Variants in LINGO2 observed in about 807,000 individuals in gnomAD.
The protein encoded by LINGO2 is leucine-rich repeat and immunoglobulin-like domain-containing nogo receptor-interacting protein 2.
In LINGO2, 14 loss-of-function variants were observed where a neutral mutation model predicts 30.6. That is an observed-to-expected ratio of 0.46 (90% CI 0.30 to 0.72). The LOEUF is 0.72. Among genes scored for constraint, LINGO2 ranks in the 30% least tolerant of loss-of-function variants. The probability of loss-of-function intolerance (pLI) is 0.07; values close to 1 mark genes in which losing one functional copy is unlikely to be tolerated. For missense variants in LINGO2, 729 were observed against 751.7 expected, an observed-to-expected ratio of 0.97 and a Z score of 0.35; for synonymous variants, 317 against 288.5, an observed-to-expected ratio of 1.10 and a Z score of -1.00.
intron 5 of LINGO2, among the ~76,000 whole-genome samples, chr9:28,008,298 A>G (rs1822369352): frequency 6.6e-6 from 1 of 152,162 alleles, no homozygotes; most frequent in Non-Finnish European, 1.5e-5. Flanking sequence ...TTGTGTGTTA[A>G]AAATATACAT....
chr9:28,369,400 C>T (rs540608783), intron 3 of LINGO2, among the ~76,000 whole-genome samples: 1 of 152,172 alleles, frequency 6.6e-6, no homozygotes, highest in Non-Finnish European at 1.5e-5. Flanking sequence ...AAGCTCACAC[C>T]ATGTTTAATT....
intron 1 of LINGO2, among the ~76,000 whole-genome samples, chr9:28,575,726 T>A (rs1368439155): frequency 6.6e-6 from 1 of 152,094 alleles, no homozygotes; most frequent in Non-Finnish European, 1.5e-5. Flanking sequence ...ACAGAAATCT[T>A]AAGAATACAA....
At chr9:28,789,981 C>T in the LINGO2 span, among the ~76,000 whole-genome samples, 3 of 152,074 alleles carry the variant, frequency 2.0e-5, no homozygotes, top group African/African-American at 7.2e-5. Context: ...ACACAGTAGT[C>T]CCCCCTTGCC....
intron 4 of LINGO2, among the ~76,000 whole-genome samples, chr9:28,231,350 T>G (rs1336136489): frequency 3.3e-5 from 5 of 151,990 alleles, no homozygotes; most frequent in Admixed American, 3.3e-4. Flanking sequence ...TCCAAGTATA[T>G]TTAAACTTTT....
chr9:28,435,962 G>C (rs1211363723), intron 2 of LINGO2, among the ~76,000 whole-genome samples: 1 of 152,112 alleles, frequency 6.6e-6, no homozygotes. Flanking sequence ...TAACATTCTT[G>C]CCACTTATTT....
At chr9:28,755,069 A>G in the LINGO2 span, among the ~76,000 whole-genome samples, 4 of 152,238 alleles carry the variant, frequency 2.6e-5, no homozygotes, top group Non-Finnish European at 5.9e-5. Context: ...AAATGGCAAT[A>G]TGCCATTGGA....
the LINGO2 span, among the ~76,000 whole-genome samples, chr9:28,697,341 A>C: frequency 1.3e-5 from 2 of 151,902 alleles, no homozygotes; most frequent in African/African-American, 4.8e-5. Context: ...GATTTGGAAC[A>C]GGTTAGGTAA....
At chr9:28,574,209 C>T (rs546792632) in intron 1 of LINGO2, among the ~76,000 whole-genome samples, 16 of 152,300 alleles carry the variant, frequency 1.1e-4, no homozygotes, top group Middle Eastern at 3.4e-3. Flanking sequence ...TAAGACTCAA[C>T]TGTGGATGCA....
At chr9:28,553,206 A>C (rs1011824681) in intron 1 of LINGO2, among the ~76,000 whole-genome samples, 6 of 152,106 alleles carry the variant, frequency 3.9e-5, no homozygotes, top group Non-Finnish European at 7.3e-5. Context: ...CTCTGAGCTA[A>C]GGGAGGACAT....
chr9:28,710,582 T>C, the LINGO2 span, among the ~76,000 whole-genome samples: 22 of 151,376 alleles, frequency 1.5e-4, no homozygotes, highest in South Asian at 1.7e-3. Context: ...CAAATACTTG[T>C]TCAGGGGTTA....
At chr9:29,207,146 A>T in the LINGO2 span, among the ~76,000 whole-genome samples, 1 of 151,706 alleles carries the variant, frequency 6.6e-6, no homozygotes, top group African/African-American at 2.4e-5. Flanking sequence ...ATATATATAT[A>T]AAGTATATAT....
intron 4 of LINGO2, among the ~76,000 whole-genome samples, chr9:28,221,301 A>G: frequency 1.9e-4 from 1 of 5,188 alleles, no homozygotes. Flanking sequence ...CCCCGTCTAA[A>G]AAAAAAAAAA....
intron 5 of LINGO2, among the ~76,000 whole-genome samples, chr9:27,995,083 A>G (rs1252312608): frequency 1.3e-5 from 2 of 152,210 alleles, no homozygotes; most frequent in Non-Finnish European, 2.9e-5. Context: ...CCACAGAAAT[A>G]CAAAGAATCA....
chr9:28,590,539 C>CA (rs1227100928), intron 1 of LINGO2, among the ~76,000 whole-genome samples: 1 of 151,840 alleles, frequency 6.6e-6, no homozygotes, highest in Non-Finnish European at 1.5e-5. Context: ...TTTATGCAGC[C>CA]AAAAAACACA....
the LINGO2 span, among the ~76,000 whole-genome samples, chr9:29,072,564 C>T: frequency 6.8e-6 from 1 of 147,216 alleles, no homozygotes; most frequent in African/African-American, 2.5e-5. Flanking sequence ...ACACAAATAT[C>T]TCAAGGATCC....
At chr9:28,783,510 A>G in the LINGO2 span, among the ~76,000 whole-genome samples, 1 of 152,180 alleles carries the variant, frequency 6.6e-6, no homozygotes, top group African/African-American at 2.4e-5. Flanking sequence ...ATCCACGGAT[A>G]TGGAGGACTA....
the LINGO2 span, among the ~76,000 whole-genome samples, chr9:28,966,912 C>A: frequency 2.0e-5 from 3 of 151,930 alleles, no homozygotes; most frequent in Admixed American, 1.3e-4. Context: ...CTTACTGATG[C>A]ATAAAATTGA....
At chr9:28,544,247 C>G (rs1021929217) in intron 1 of LINGO2, among the ~76,000 whole-genome samples, 6 of 151,950 alleles carry the variant, frequency 3.9e-5, no homozygotes, top group Non-Finnish European at 8.8e-5. Flanking sequence ...AATAATTGCT[C>G]AAACTATAAT....
chr9:28,825,530 G>A, the LINGO2 span, among the ~76,000 whole-genome samples: 1 of 150,828 alleles, frequency 6.6e-6, no homozygotes, highest in Non-Finnish European at 1.5e-5. Flanking sequence ...GCCATCCTGA[G>A]TTTCCTGATT....
Sources: gnomAD v4.1 joint callset for allele counts (sites outside exome capture counted in the v4.1 genomes callset) on GRCh38, gnomAD v4.1.1 for gene constraint, MANE v1.5 for transcripts, NCBI Gene and HGNC (gene_info 2026-07-23, HGNC 2026-07-21) for gene names.